AHRR: variants seen among roughly 807,000 people sequenced by gnomAD.
The protein encoded by AHRR is aryl hydrocarbon receptor repressor.
Under a neutral mutation model 44.0 loss-of-function variants are expected in AHRR, and 28 were observed. That is an observed-to-expected ratio of 0.64 (90% confidence interval 0.47 to 0.87). AHRR has a LOEUF of 0.87. Ranked by LOEUF, AHRR falls within the 40% of genes least tolerant of loss-of-function variation. The pLI is 0.00. For missense variants in AHRR, 990 were observed against 953.9 expected (o/e 1.04, Z -0.50); for synonymous variants, 434 against 407.0 (o/e 1.07, Z -0.80).
At position 326,098 on chromosome 5, in the gene AHRR, G is replaced by A. The variant is rs531217816; in HGVS notation, c.-11+4279G>A. On this transcript the variant is annotated intron_variant, in intron 1 of 10. Transcript: ENST00000684583. This position sits in a 1 kb window ranked among gnomAD's most constrained non-coding sequence, Gnocchi z 4.1. ...GCGGCCGGCCTCTTTGTATTTTCTC[G>A]TTGAGGCAAAATGCACATAACATCA... 3.9e-5 allele frequency among the ~76,000 whole-genome samples: 6 copies of A among 152,226 alleles called. No individual in the cohort carries two copies. The highest frequency in any genetic ancestry group is 1.9e-4 in the East Asian group (1 of 5,180).
At chr5:344,969 G>GGA in intron 2 of AHRR, among the ~76,000 whole-genome samples, 4 of 114,750 alleles carry the variant, frequency 3.5e-5, no homozygotes, top group Admixed American at 2.6e-4. Context: ...GAGGTTGGGG[G>GGA]CTGTGTGGGG....
chr5:326,088 G>C lies in AHRR; in HGVS notation c.-11+4269G>C, dbSNP rs1296449772. Among the ~76,000 whole-genome samples, 2 of 152,148 alleles carry C rather than the reference G, an allele frequency of 1.3e-5. No homozygotes were observed. Among genetic ancestry groups the C allele is most frequent in the Admixed American group, 1.3e-4 (2 of 15,264 alleles). ...GTGAGCCACTGCGGCCGGCCTCTTT[G>C]TATTTTCTCGTTGAGGCAAAATGCA... On this transcript the variant is annotated intron_variant, in intron 1 of 10. Transcript: ENST00000684583. The surrounding 1 kb of genome is among the most constrained non-coding windows in gnomAD (Gnocchi z 4.1).
chr5:346,452 C>T (rs1396216300), intron 2 of AHRR, among the ~76,000 whole-genome samples: 2 of 152,216 alleles, frequency 1.3e-5, no homozygotes, highest in East Asian at 3.8e-4. Flanking sequence ...TCTGATTCTT[C>T]CCCAGACGGC....
At chr5:403,441 G>C (rs936062891) in intron 4 of AHRR, among the ~76,000 whole-genome samples, 23 of 152,116 alleles carry the variant, frequency 1.5e-4, no homozygotes, top group Non-Finnish European at 2.6e-4. Context: ...TTCGAGACCA[G>C]CCTGGCCAAC....
intron 4 of AHRR, among the ~76,000 whole-genome samples, chr5:393,631 A>C (rs942871746): frequency 1.3e-5 from 2 of 149,198 alleles, no homozygotes; most frequent in African/African-American, 2.5e-5. Context: ...TTATTGTTTT[A>C]TTTGTTTTCT....
intron 5 of AHRR, among the ~76,000 whole-genome samples, chr5:418,160 T>A (rs1431053004): frequency 6.6e-6 from 1 of 152,226 alleles, no homozygotes; most frequent in Non-Finnish European, 1.5e-5. Flanking sequence ...TTGGAAATGA[T>A]TTTATTCTAA....
Position 404,289 on chromosome 5 carries a change from G to T in AHRR, c.352-9055G>T. On this transcript the variant is annotated intron_variant, in intron 4 of 10. Coordinates refer to ENST00000684583, the MANE Select transcript of AHRR (RefSeq NM_001377236.1). This position sits in a 1 kb window ranked among gnomAD's most constrained non-coding sequence, Gnocchi z 4.1. ...TCATTGCCCTTCTCATCAAACATGT[G>T]AATAATTCGCTAATTTTTCTTCCAG... 4.1e-6 allele frequency: 2 copies of T among 493,114 alleles called. No homozygotes were observed. The highest frequency in any genetic ancestry group is 3.2e-5 in the South Asian group (2 of 63,488). The allele number at this position is 493,114 out of a possible 1,614,324, so 30.5% of individuals were successfully genotyped here. A position where few individuals can be genotyped will look rare whatever the true frequency, so the allele number is the denominator to read the frequency against.
intron 5 of AHRR, among the ~76,000 whole-genome samples, chr5:417,372 G>C (rs955927983): frequency 1.2e-4 from 18 of 149,926 alleles, no homozygotes; most frequent in Admixed American, 7.3e-4. Flanking sequence ...GGCTTGGTCC[G>C]TATGTGCAGG....
rs1736487707 is a variant in AHRR at position 427,572 on chromosome 5, C to G, written c.709-235C>G. The G allele has an allele frequency of 1.2e-5, 19 of 1,592,594 alleles. No homozygotes were observed. The South Asian group carries it at 2.1e-4, about 18-fold the overall frequency. ...AACCTGTCAAAGGCCGTCGCCGCGG[C>G]TCCAGAGAAACTGGGAGTGGGGGAT... On this transcript the variant is annotated intron_variant, in intron 7 of 10. Coordinates refer to ENST00000684583, the MANE Select transcript of AHRR (RefSeq NM_001377236.1).
Position 435,053 on chromosome 5 carries a change from A to C in AHRR, c.*219A>C. 1.6e-6 allele frequency: 1 copy of C among 610,870 alleles called. No homozygotes were observed. Among genetic ancestry groups the C allele is most frequent in the Non-Finnish European group, 2.8e-6 (1 of 361,314 alleles). The allele number at this position is 610,870 out of a possible 1,614,324, so 37.8% of individuals were successfully genotyped here. ...AGTTCTTAAATGAAAACTGGCCTTAAGTCTATTCAAGCATGACAGCATTTC... is the reference window on the plus strand; with the variant it reads ...AGTTCTTAAATGAAAACTGGCCTTACGTCTATTCAAGCATGACAGCATTTC... On this transcript the variant is annotated 3_prime_UTR_variant, in exon 11 of 11. Coordinates refer to ENST00000684583, the MANE Select transcript of AHRR (RefSeq NM_001377236.1).
At position 388,326 on chromosome 5, in the gene AHRR, CT is replaced by C. The variant is rs1734255068; in HGVS notation, c.351+11611del. Among the ~76,000 whole-genome samples, 1 of 152,246 alleles carries C rather than the reference CT, an allele frequency of 6.6e-6. No individual in the cohort carries two copies. The highest frequency in any genetic ancestry group is 2.4e-5 in the African/African-American group (1 of 41,464). On this transcript the variant is annotated intron_variant, in intron 4 of 10. Transcript: ENST00000684583. This position sits in a 1 kb window ranked among gnomAD's most constrained non-coding sequence, Gnocchi z 5.2. ...TACACAGGGCTCAGTGCGACTGCGC[CT>C]GGGGCTGCCCCAAGACTGTGAAGCT...
chr5:359,825 C>T (rs1403386914), intron 3 of AHRR, among the ~76,000 whole-genome samples: 1 of 152,176 alleles, frequency 6.6e-6, no homozygotes, highest in Non-Finnish European at 1.5e-5. Flanking sequence ...CACAGCGCCA[C>T]GAGGTGTCCT....
intron 3 of AHRR, among the ~76,000 whole-genome samples, chr5:363,960 T>C (rs781716103): frequency 2.0e-5 from 3 of 152,246 alleles, no homozygotes; most frequent in Non-Finnish European, 2.9e-5. Flanking sequence ...AGCTCCATAT[T>C]AACATCCTGT....
intron 3 of AHRR, chr5:368,038 T>C: frequency 3.1e-6 from 2 of 652,290 alleles, no homozygotes; most frequent in Non-Finnish European, 5.6e-6. Context: ...CAGCCCCATA[T>C]GGGTGTTAGT....
At position 353,852 on chromosome 5, in the gene AHRR, A is replaced by G; in HGVS notation, c.185A>G (p.Asp62Gly). ...PFPPDIISKL[D>G]KLSVLRLSVS... is the part of the protein sequence containing the mutation. ...CCGCCTGACATCATCTCCAAGCTGG[A>G]CAAGCTTTCTGTCCTGCGCCTCAGT... is the stretch of plus-strand genomic sequence containing the variant. Residue 62 changes from aspartate (D) to glycine (G), a missense_variant, in exon 3 of 11, where the codon GAC becomes GGC. Transcript: ENST00000684583. 3 of 1,614,060 alleles carry G rather than the reference A, an allele frequency of 1.9e-6. No homozygotes were observed. Among genetic ancestry groups the G allele is most frequent in the Non-Finnish European group, 2.5e-6 (3 of 1,179,998 alleles).
intron 6 of AHRR, among the ~76,000 whole-genome samples, chr5:423,293 C>T (rs555510863): frequency 4.3e-4 from 65 of 152,318 alleles, no homozygotes; most frequent in African/African-American, 1.5e-3. Flanking sequence ...TCACAGAAGA[C>T]CCCTGCACAG....
intron 2 of AHRR, among the ~76,000 whole-genome samples, chr5:346,583 C>T (rs905179790): frequency 4.6e-5 from 7 of 152,206 alleles, no homozygotes; most frequent in Non-Finnish European, 8.8e-5. Flanking sequence ...CACATTCCGT[C>T]GCCCACCCCC....
In AHRR at chr5:428,005, AAGTG is replaced by A; in HGVS notation, c.908+3_908+6del. The A allele has an allele frequency of 6.2e-7, 1 of 1,613,606 alleles. No homozygotes were observed. Among genetic ancestry groups the A allele is most frequent in the Non-Finnish European group, 8.5e-7 (1 of 1,179,918 alleles). On this transcript the variant is annotated splice_donor_variant and splice_donor_region_variant and coding_sequence_variant and intron_variant, in exon 8 of 11. Coordinates refer to ENST00000684583, the MANE Select transcript of AHRR (RefSeq NM_001377236.1). ...AGACACCGCAGCCACCGCGGATGCAAAGTGAGTAAGACTCGCCCTTCACAGCCAC... is the reference window on the plus strand; with the variant it reads ...AGACACCGCAGCCACCGCGGATGCAAAGTAAGACTCGCCCTTCACAGCCAC...
intron 10 of AHRR, 48 bp downstream of exon 10, chr5:432,995 C>T (rs1291901609): frequency 2.6e-6 from 4 of 1,526,780 alleles, no homozygotes; most frequent in East Asian, 2.3e-5. Flanking sequence ...CTCCCTAAGT[C>T]ACCGTGGAGG....
Sources: allele counts gnomAD v4.1 joint callset (sites outside exome capture counted in the v4.1 genomes callset), GRCh38; gene constraint gnomAD v4.1.1; non-coding constraint Gnocchi (gnomAD v3.1); transcripts MANE v1.5; gene names NCBI Gene and HGNC (gene_info 2026-07-23, HGNC 2026-07-21).